STOML2: variants seen among roughly 807,000 people sequenced by gnomAD.
STOML2 encodes the protein stomatin like 2.
STOML2 carries 22 observed loss-of-function variants against 45.7 expected under a neutral mutation model. That is an observed-to-expected ratio of 0.48 (90% CI 0.34 to 0.69). The LOEUF (loss-of-function observed/expected upper bound fraction) is 0.69. STOML2 is among the 30% of genes least tolerant of loss of function. The pLI is 0.01. For missense variants in STOML2, 359 were observed against 466.9 expected (o/e 0.77, Z 2.13); for synonymous variants, 181 against 182.7 (o/e 0.99, Z 0.08).
Position 35,100,582 on chromosome 9 carries a change from C to T in STOML2, c.933+16G>A. On this transcript the variant is annotated intron_variant, in intron 9 of 9. Transcript: ENST00000356493. ...TGGCACCAGTGCTCTATGCTGGGTCCTCAGAGAGCTCTAACCTGAGCCACC... is the reference window on the plus strand; with the variant it reads ...TGGCACCAGTGCTCTATGCTGGGTCTTCAGAGAGCTCTAACCTGAGCCACC... The T allele has an allele frequency of 6.2e-7, 1 of 1,613,160 alleles. No individual in the cohort carries two copies. Among genetic ancestry groups the T allele is most frequent in the Non-Finnish European group, 8.5e-7 (1 of 1,179,918 alleles).
At position 35,100,088 on chromosome 9, in the gene STOML2, G is replaced by C; in HGVS notation, c.1018C>G (p.Gln340Glu). The change falls in exon 10 of 10, where the codon CAG (glutamine) becomes GAG (glutamate). Residue 340 changes from glutamine (Q) to glutamate (E), a missense_variant. By Grantham distance (29) the Gln-to-Glu change is conservative. Transcript: ENST00000356493. The stretch of plus-strand genomic sequence containing the variant: ...TCATCAAGACTTGCATCTGTACCCT[G>C]GACATCTCTGCTGCTCCCACTGGAG... ...SLSSGSSRDV[Q>E]GTDASLDEEL... 11 of 1,614,190 alleles carry C rather than the reference G, an allele frequency of 6.8e-6. No homozygotes were observed. The highest frequency in any genetic ancestry group is 9.3e-6 in the Non-Finnish European group (11 of 1,180,044).
rs771973828 is a variant in STOML2 at position 35,103,103 on chromosome 9, G to C, written c.-9C>G. ...GCCGCGCGCGCCAGCATTTCCCACCGCCGCAGCGACCTCCGGAACCAACGA... is the reference window on the plus strand; with the variant it reads ...GCCGCGCGCGCCAGCATTTCCCACCCCCGCAGCGACCTCCGGAACCAACGA... On this transcript the variant is annotated 5_prime_UTR_variant, in exon 1 of 10. Coordinates refer to ENST00000356493, the MANE Select transcript of STOML2 (RefSeq NM_013442.3). The C allele has an allele frequency of 1.2e-6, 2 of 1,612,982 alleles. No homozygotes were observed. Among genetic ancestry groups the C allele is most frequent in the South Asian group, 1.1e-5 (1 of 91,038 alleles).
rs368707588 is a variant in STOML2 at position 35,102,083 on chromosome 9, T to C, written c.283+12A>G. On this transcript the variant is annotated intron_variant, in intron 3 of 9. Coordinates refer to ENST00000356493, the MANE Select transcript of STOML2 (RefSeq NM_013442.3). This position sits in a 1 kb window ranked among gnomAD's most constrained non-coding sequence, Gnocchi z 4.8. ...TAGCCTCAGAGCACCCATGTCACCC[T>C]GAACCCCTCACCGAGAGTCACAGCC... 1.1e-5 allele frequency: 18 copies of C among 1,613,886 alleles called. No homozygotes were observed. The highest frequency in any genetic ancestry group is 1.4e-5 in the Non-Finnish European group (16 of 1,179,908).
At position 35,100,932 on chromosome 9, in the gene STOML2, A is replaced by G. The variant is rs754937102; in HGVS notation, c.804T>C (p.His268=). Residue 268 remains histidine, a splice_region_variant and synonymous_variant, in exon 8 of 10, where the codon CAT becomes CAC. Coordinates refer to ENST00000356493, the MANE Select transcript of STOML2 (RefSeq NM_013442.3). ...IRILAAALTQ[H]NGDAAASLTV... ...CCATTCCCACCCAGGGGCCTCTCAC[A>G]TGTTGTGTCAGAGCTGCAGCCAGGA... The G allele has an allele frequency of 6.2e-6, 10 of 1,614,202 alleles. No homozygotes were observed. Among genetic ancestry groups the G allele is most frequent in the South Asian group, 2.2e-5 (2 of 91,088 alleles).
chr9:35,100,986 C>G lies in STOML2; in HGVS notation c.750G>C (p.Lys250Asn), dbSNP rs1171167508. 7 of 1,614,202 alleles carry G rather than the reference C, an allele frequency of 4.3e-6. No homozygotes were observed. Among genetic ancestry groups the G allele is most frequent in the Non-Finnish European group, 5.1e-6 (6 of 1,180,034 alleles). ...AAGEASAVLA[K>N]AKAKAEAIRI... Reference sequence around the variant, plus strand: ...GAATAGCTTCAGCTTTAGCCTTGGCCTTCGCCAGAACTGCACTGGCCTCTC... The same window carrying G: ...GAATAGCTTCAGCTTTAGCCTTGGCGTTCGCCAGAACTGCACTGGCCTCTC... Residue 250 changes from lysine to asparagine, a missense_variant, in exon 8 of 10, where the codon AAG becomes AAC. Coordinates refer to ENST00000356493, the MANE Select transcript of STOML2 (RefSeq NM_013442.3).
In STOML2 at chr9:35,103,084, C is replaced by T; in HGVS notation, c.11G>A (p.Arg4His). 5 of 1,613,846 alleles carry T rather than the reference C, an allele frequency of 3.1e-6. No individual in the cohort carries two copies. Among genetic ancestry groups the T allele is most frequent in the South Asian group, 1.1e-5 (1 of 91,068 alleles). MLARAARGTGALLL... is the reference protein window; with the variant it reads MLAHAARGTGALLL... Reference sequence around the variant, plus strand: ...AAGGGCCCCAGTGCCCCGCGCCGCGCGCGCCAGCATTTCCCACCGCCGCAG... The same window carrying T: ...AAGGGCCCCAGTGCCCCGCGCCGCGTGCGCCAGCATTTCCCACCGCCGCAG... Residue 4 changes from arginine to histidine, a missense_variant, in exon 1 of 10, where the codon CGC becomes CAC. This residue lies in a region of STOML2 where 74 missense variants were observed against 45.0 expected (regional missense o/e 1.65). Transcript: ENST00000356493.
chr9:35,100,213 C>CA, intron 9 of STOML2, 41 bp from the exon 10 acceptor site: 1 of 1,606,314 alleles, frequency 6.2e-7, no homozygotes, highest in Non-Finnish European at 8.5e-7. Context: ...GGACACTTGA[C>CA]AGAGGTGCAG....
At chr9:35,100,451 G>T in intron 9 of STOML2, 147 bp downstream of exon 9, 1 of 1,145,402 alleles carries the variant, frequency 8.7e-7, no homozygotes, top group Non-Finnish European at 1.3e-6. Flanking sequence ...TTCATTCTTA[G>T]ATTCCATCTC....
In STOML2 at chr9:35,102,630, T is replaced by C. The variant is rs1327277810; in HGVS notation, c.183+56A>G. 1 of 1,599,246 alleles carries C rather than the reference T, an allele frequency of 6.3e-7. No homozygotes were observed. Among genetic ancestry groups the C allele is most frequent in the Non-Finnish European group, 8.5e-7 (1 of 1,173,776 alleles). On this transcript the variant is annotated intron_variant, in intron 2 of 9. Transcript: ENST00000356493. This position sits in a 1 kb window ranked among gnomAD's most constrained non-coding sequence, Gnocchi z 4.8. ...CAAAGGAAGTCCTCCCGACATTGCA[T>C]GTCGTGAGGGATTGGTCATCTGGCT...
Position 35,101,329 on chromosome 9 carries a change from G to T in STOML2, c.580-50C>A, listed in dbSNP as rs1427150490. ...CAACAAGCCAAGGGAGACTGATACAGACATGCAACTCTACCCATCATAACA... is the reference window on the plus strand; with the variant it reads ...CAACAAGCCAAGGGAGACTGATACATACATGCAACTCTACCCATCATAACA... On this transcript the variant is annotated intron_variant, in intron 6 of 9. Transcript: ENST00000356493. This position sits in a 1 kb window ranked among gnomAD's most constrained non-coding sequence, Gnocchi z 4.3. The T allele has an allele frequency of 6.2e-7, 1 of 1,613,652 alleles. No homozygotes were observed. Among genetic ancestry groups the T allele is most frequent in the Non-Finnish European group, 8.5e-7 (1 of 1,179,594 alleles).
At position 35,102,572 on chromosome 9, in the gene STOML2, T is replaced by C; in HGVS notation, c.183+114A>G. 1 of 1,514,512 alleles carries C rather than the reference T, an allele frequency of 6.6e-7. No individual in the cohort carries two copies. The highest frequency in any genetic ancestry group is 8.9e-7 in the Non-Finnish European group (1 of 1,129,310). 93.8% of individuals were successfully genotyped at this position (1,514,512 alleles called of 1,614,324 possible). A position where few individuals can be genotyped will look rare whatever the true frequency, so the allele number is the denominator to read the frequency against. ...AGCCTGGGCCCTGTCAGGTCTGGCC[T>C]ACAGAGTCGGGAGCTAACAGTGCGG... On this transcript the variant is annotated intron_variant, in intron 2 of 9. Coordinates refer to ENST00000356493, the MANE Select transcript of STOML2 (RefSeq NM_013442.3). The surrounding 1 kb of genome is among the most constrained non-coding windows in gnomAD (Gnocchi z 4.8).
In STOML2 at chr9:35,101,125, C is replaced by G; in HGVS notation, c.724+10G>C. 6.2e-7 allele frequency: 1 copy of G among 1,614,232 alleles called. No homozygotes were observed. Among genetic ancestry groups the G allele is most frequent in the East Asian group, 2.2e-5 (1 of 44,882 alleles). ...CCTTGCTCCTCCCTCAGCCTCTACC[C>G]TCTCCTGACCTGCTGCCTGATTTAT... is the stretch of plus-strand genomic sequence containing the variant. On this transcript the variant is annotated intron_variant, in intron 7 of 9. Coordinates refer to ENST00000356493, the MANE Select transcript of STOML2 (RefSeq NM_013442.3). The surrounding 1 kb of genome is among the most constrained non-coding windows in gnomAD (Gnocchi z 4.3).
chr9:35,102,557 C>G lies in STOML2; in HGVS notation c.183+129G>C. 6.9e-7 allele frequency: 1 copy of G among 1,445,438 alleles called. No homozygotes were observed. Among genetic ancestry groups the G allele is most frequent in the Non-Finnish European group, 9.3e-7 (1 of 1,074,172 alleles). 89.5% of individuals were successfully genotyped at this position (1,445,438 alleles called of 1,614,324 possible). A position where few individuals can be genotyped will look rare whatever the true frequency, so the allele number is the denominator to read the frequency against. On this transcript the variant is annotated intron_variant, in intron 2 of 9. Coordinates refer to ENST00000356493, the MANE Select transcript of STOML2 (RefSeq NM_013442.3). The surrounding 1 kb of genome is among the most constrained non-coding windows in gnomAD (Gnocchi z 4.8). Reference sequence around the variant, plus strand: ...GGGATGATGGTCAGCAGCCTGGGCCCTGTCAGGTCTGGCCTACAGAGTCGG... The same window carrying G: ...GGGATGATGGTCAGCAGCCTGGGCCGTGTCAGGTCTGGCCTACAGAGTCGG...
At position 35,101,729 on chromosome 9, in the gene STOML2, G is replaced by A. The variant is rs775594555; in HGVS notation, c.425C>T (p.Ser142Phe). 61 of 1,614,080 alleles carry A rather than the reference G, an allele frequency of 3.8e-5. No homozygotes were observed. The highest frequency in any genetic ancestry group is 5.2e-5 in the Non-Finnish European group (61 of 1,180,042). Residue 142 changes from serine (S) to phenylalanine (F), a missense_variant, in exon 5 of 10, where the codon TCT becomes TTT. Ser to Phe is a radical substitution (Grantham distance 155). Around this residue, in one of 2 missense-constraint regions of STOML2, gnomAD observed 285 missense variants for 422.0 expected, o/e 0.68. Transcript: ENST00000356493. This position sits in a 1 kb window ranked among gnomAD's most constrained non-coding sequence, Gnocchi z 4.3. ...TTMRSELGKL[S>F]LDKVFRERES... Reference sequence around the variant, plus strand: ...GCTTACCCGGAAGACTTTGTCCAGAGAGAGTTTGCCGAGCTCTGATCTCAT... The same window carrying A: ...GCTTACCCGGAAGACTTTGTCCAGAAAGAGTTTGCCGAGCTCTGATCTCAT...
chr9:35,100,554 C>G (rs200292585), intron 9 of STOML2, 44 bp downstream of exon 9: 115 of 1,575,080 alleles, frequency 7.3e-5, no homozygotes, highest in Non-Finnish European at 1.2e-5. Flanking sequence ...TCAGTTTGGT[C>G]CCTGGCACCA....
Position 35,101,019 on chromosome 9 carries a change from A to G in STOML2, c.725-8T>C, listed in dbSNP as rs772758071. On this transcript the variant is annotated splice_region_variant and splice_polypyrimidine_tract_variant and intron_variant, in intron 7 of 9. Coordinates refer to ENST00000356493, the MANE Select transcript of STOML2 (RefSeq NM_013442.3). This position sits in a 1 kb window ranked among gnomAD's most constrained non-coding sequence, Gnocchi z 4.3. ...GAACTGCACTGGCCTCTCCTGCAAGAGAAGGGACAGAGCTTGCTTGACCCA... is the reference window on the plus strand; with the variant it reads ...GAACTGCACTGGCCTCTCCTGCAAGGGAAGGGACAGAGCTTGCTTGACCCA... The G allele has an allele frequency of 6.2e-7, 1 of 1,613,792 alleles. No individual in the cohort carries two copies. Among genetic ancestry groups the G allele is most frequent in the Non-Finnish European group, 8.5e-7 (1 of 1,179,786 alleles).
chr9:35,101,156 C>T lies in STOML2; in HGVS notation c.703G>A (p.Glu235Lys), dbSNP rs1223674773. 1 of 1,614,236 alleles carries T rather than the reference C, an allele frequency of 6.2e-7. No individual in the cohort carries two copies. Among genetic ancestry groups the T allele is most frequent in the Admixed American group, 1.7e-5 (1 of 60,030 alleles). ...QILASEAEKA[E>K]QINQAAGEAS... The stretch of plus-strand genomic sequence containing the variant: ...TGACCTGCTGCCTGATTTATCTGTT[C>T]AGCCTTTTCTGCTTCGGAGGCCAGG... Residue 235 changes from glutamate (E) to lysine (K), a missense_variant, in exon 7 of 10, where the codon GAA (glutamate) becomes AAA (lysine). Glu to Lys is a moderately conservative substitution (Grantham distance 56, BLOSUM62 1). This residue lies in a region of STOML2 where 285 missense variants were observed against 422.0 expected (regional missense o/e 0.68). Coordinates refer to ENST00000356493, the MANE Select transcript of STOML2 (RefSeq NM_013442.3). This position sits in a 1 kb window ranked among gnomAD's most constrained non-coding sequence, Gnocchi z 4.3.
chr9:35,100,593 C>A lies in STOML2; in HGVS notation c.933+5G>T. On this transcript the variant is annotated splice_donor_5th_base_variant and intron_variant, in intron 9 of 9. Transcript: ENST00000356493. ...CTCTATGCTGGGTCCTCAGAGAGCT[C>A]TAACCTGAGCCACCATGCTGGTGAC... 2 of 1,613,628 alleles carry A rather than the reference C, an allele frequency of 1.2e-6. No individual in the cohort carries two copies. Among genetic ancestry groups the A allele is most frequent in the East Asian group, 2.2e-5 (1 of 44,874 alleles).
Position 35,101,668 on chromosome 9 carries a change from G to A in STOML2, c.444+42C>T. 5 of 1,613,890 alleles carry A rather than the reference G, an allele frequency of 3.1e-6. 1 individual carries two copies. Among genetic ancestry groups the A allele is most frequent in the Middle Eastern group, 3.3e-4 (2 of 6,062 alleles). On this transcript the variant is annotated intron_variant, in intron 5 of 9. Coordinates refer to ENST00000356493, the MANE Select transcript of STOML2 (RefSeq NM_013442.3). This position sits in a 1 kb window ranked among gnomAD's most constrained non-coding sequence, Gnocchi z 4.3. ...CTTCAGAAAAGATTAAGAGTGTCAG[G>A]TTTGTGTCTTCAAACCCTAACTCTG...
Sources: allele counts gnomAD v4.1 joint callset, GRCh38; gene constraint gnomAD v4.1.1; regional missense constraint gnomAD v4.1.1; non-coding constraint Gnocchi (gnomAD v3.1); transcripts MANE v1.5; gene names NCBI Gene and HGNC (gene_info 2026-07-23, HGNC 2026-07-21).